The following AVIL variants were observed in gnomAD, a reference collection of about 807,000 sequenced individuals.
The protein encoded by AVIL is advillin.
In AVIL, 78 loss-of-function variants were observed where a neutral mutation model predicts 109.9. The observed-to-expected ratio is 0.71, with a 90% CI of 0.59 to 0.86. AVIL has a LOEUF of 0.86. AVIL is among the 40% of genes least tolerant of loss of function. The pLI is 0.00. For synonymous variants in AVIL, 367 were observed against 379.1 expected, an observed-to-expected ratio of 0.97 and a Z score of 0.37; for missense variants, 892 against 1,016.5, an observed-to-expected ratio of 0.88 and a Z score of 1.67.
chr12:57,818,101 C>T (rs892533824), intron 1 of AVIL, among the ~76,000 whole-genome samples: 17 of 150,974 alleles, frequency 1.1e-4, no homozygotes, highest in South Asian at 4.2e-4. Flanking sequence ...TCACTGCAAC[C>T]GCCACCTCCT....
chr12:57,817,499 C>G (rs1047345182), intron 1 of AVIL, among the ~76,000 whole-genome samples: 5 of 151,698 alleles, frequency 3.3e-5, no homozygotes, highest in Admixed American at 6.6e-5. Context: ...CTTGTGCTGC[C>G]CCACCCTGTG....
At position 57,816,700 on chromosome 12, in the gene AVIL, CTTTTTTTTTTTTTT is replaced by C. The variant is rs11349032; in HGVS notation, c.-19-655_-19-642del. On this transcript the variant is annotated intron_variant, in intron 1 of 19. Coordinates refer to ENST00000549994, the MANE Select transcript of AVIL (RefSeq NM_006576.4). ...TTTGACCTTCTCTTTGGCTTTTGTCCTTTTTTTTTTTTTTTTTTTTTTTTTAGAGTAAACTATTC... is the reference window on the plus strand; with the variant it reads ...TTTGACCTTCTCTTTGGCTTTTGTCCTTTTTTTTTTTAGAGTAAACTATTC... 4.3e-5 allele frequency among the ~76,000 whole-genome samples: 4 copies of C among 93,490 alleles called. No individual in the cohort carries two copies. The East Asian group carries it at 1.0e-3, about 24-fold the overall frequency. The allele number at this position is 93,490 out of a possible 152,430, so 61.3% of individuals were successfully genotyped here.
Position 57,815,961 on chromosome 12 carries a change from C to G in AVIL, c.66+14G>C, listed in dbSNP as rs773024012. On this transcript the variant is annotated intron_variant, in intron 2 of 19. Coordinates refer to ENST00000549994, the MANE Select transcript of AVIL (RefSeq NM_006576.4). Reference sequence around the variant, plus strand: ...GCCAGTGGTCACAAGTAAGGTGCCTCCAGCCCAGCTCACCTCTATTCTCCA... The same window carrying G: ...GCCAGTGGTCACAAGTAAGGTGCCTGCAGCCCAGCTCACCTCTATTCTCCA... 1 of 1,614,052 alleles carries G rather than the reference C, an allele frequency of 6.2e-7. No individual in the cohort carries two copies. The highest frequency in any genetic ancestry group is 8.5e-7 in the Non-Finnish European group (1 of 1,180,002).
At chr12:57,816,187 G>C in intron 1 of AVIL, 128 bp from the exon 2 acceptor site, 1 of 720,672 alleles carries the variant, frequency 1.4e-6, no homozygotes. Flanking sequence ...GTGCATCCCT[G>C]CACCATTTCA....
At chr12:57,813,560 A>AG (rs1253337941) in intron 3 of AVIL, 137 bp from the exon 4 acceptor site, 2 of 851,426 alleles carry the variant, frequency 2.3e-6, no homozygotes, top group African/African-American at 3.4e-5. Context: ...TGGATGTGGG[A>AG]GCTGCCCTGG....
intron 14 of AVIL, 50 bp from the exon 15 acceptor site, chr12:57,803,719 C>T (rs746186703): frequency 1.4e-5 from 22 of 1,591,734 alleles, no homozygotes; most frequent in East Asian, 9.0e-5. Context: ...AGGGGCACTT[C>T]GATGTGGAAA....
intron 14 of AVIL, chr12:57,805,792 C>T (rs939128412): frequency 6.6e-6 from 1 of 151,572 alleles, no homozygotes; most frequent in African/African-American, 2.4e-5. Flanking sequence ...GCCTCGGCCT[C>T]CCAAAGTGCT....
Position 57,811,124 on chromosome 12 carries a change from G to A in AVIL, c.342C>T (p.Tyr114=), listed in dbSNP as rs1159899281. 1 of 1,614,078 alleles carries A rather than the reference G, an allele frequency of 6.2e-7. No individual in the cohort carries two copies. Among genetic ancestry groups the A allele is most frequent in the Non-Finnish European group, 8.5e-7 (1 of 1,179,960 alleles). ...FRGYFKQGII[Y]KQGGVASGMK... is the part of the protein sequence containing the mutation. The stretch of plus-strand genomic sequence containing the variant: ...TCCCAGAGGCGACACCCCCCTGCTT[G>A]TAGCTAAGGGAACATCCATTCAGTT... The change falls in exon 5 of 20, where the codon TAC becomes TAT. Residue 114 remains tyrosine, a synonymous_variant. Coordinates refer to ENST00000549994, the MANE Select transcript of AVIL (RefSeq NM_006576.4).
At position 57,797,899 on chromosome 12, in the gene AVIL, C is replaced by A; in HGVS notation, c.2443G>T (p.Glu815Ter). ...TTCTTGCTTTAGAAAAGCCCCTTTT[C>A]TTTCTTCATTTGGAGCTGTTTCCAG... ...PGWKQLQMKK[E>*]KGLF Residue 815 changes from glutamate to a stop codon, truncating the protein, a stop_gained, in exon 20 of 20, where the codon GAA becomes TAA. Transcript: ENST00000549994. LOFTEE classifies it high-confidence loss of function. The A allele has an allele frequency of 6.2e-7, 1 of 1,611,958 alleles. No individual in the cohort carries two copies. The highest frequency in any genetic ancestry group is 8.5e-7 in the Non-Finnish European group (1 of 1,178,986).
At chr12:57,799,773 C>T (rs1955808828) in intron 19 of AVIL, 22 bp downstream of exon 19, 2 of 1,613,366 alleles carry the variant, frequency 1.2e-6, no homozygotes, top group East Asian at 4.5e-5. Flanking sequence ...TTCCAACAGA[C>T]ACAGTTCCTT....
Position 57,801,143 on chromosome 12 carries a change from C to A in AVIL, c.2220+1G>T. On this transcript the variant is annotated splice_donor_variant, in intron 18 of 19. Transcript: ENST00000549994. LOFTEE classifies it high-confidence loss of function. Reference sequence around the variant, plus strand: ...TTCTCCCAAGAGCGAACCCGACTCACAGCAGTGATTCGCATGATAGCAGCA... The same window carrying A: ...TTCTCCCAAGAGCGAACCCGACTCAAAGCAGTGATTCGCATGATAGCAGCA... 3.1e-6 allele frequency: 5 copies of A among 1,613,456 alleles called. No homozygotes were observed. The highest frequency in any genetic ancestry group is 4.2e-6 in the Non-Finnish European group (5 of 1,179,742).
intron 4 of AVIL, among the ~76,000 whole-genome samples, 155 bp downstream of exon 4, chr12:57,813,072 C>T (rs1044859038): frequency 2.0e-5 from 3 of 152,222 alleles, no homozygotes; most frequent in African/African-American, 4.8e-5. Context: ...TTGGCACCTC[C>T]CAGCTGTTTA....
At chr12:57,815,839 T>C (rs1162209334) in intron 2 of AVIL, 136 bp downstream of exon 2, 1 of 1,537,446 alleles carries the variant, frequency 6.5e-7, no homozygotes, top group African/African-American at 1.4e-5. Context: ...GGGAAATAGG[T>C]ACTTTGATGC....
chr12:57,806,810 A>G (rs1269508524), intron 13 of AVIL, among the ~76,000 whole-genome samples: 2 of 152,206 alleles, frequency 1.3e-5, no homozygotes, highest in South Asian at 2.1e-4. Flanking sequence ...AGTAGATGTT[A>G]TTATTCCATA....
At chr12:57,804,460 G>A (rs1955910532) in intron 14 of AVIL, 1 of 152,154 alleles carries the variant, frequency 6.6e-6, no homozygotes, top group Non-Finnish European at 1.5e-5. Context: ...TGTTTTACTT[G>A]AGTAAATACC....
chr12:57,813,228 T>C lies in AVIL; in HGVS notation c.337A>G (p.Ile113Val). ...TFRGYFKQGI[I>V]YKQGGVASGM... is the part of the protein sequence containing the mutation. Reference sequence around the variant, plus strand: ...CTTGCTCTGTGCACCCCTACTCACATGATGCCCTGCTTGAAGTAGCCACGG... The same window carrying C: ...CTTGCTCTGTGCACCCCTACTCACACGATGCCCTGCTTGAAGTAGCCACGG... Residue 113 changes from isoleucine to valine, a missense_variant and splice_region_variant, in exon 4 of 20, where the codon ATC (isoleucine) becomes GTC (valine). Coordinates refer to ENST00000549994, the MANE Select transcript of AVIL (RefSeq NM_006576.4). The C allele has an allele frequency of 1.2e-6, 2 of 1,611,706 alleles. No homozygotes were observed. The highest frequency in any genetic ancestry group is 2.2e-5 in the East Asian group (1 of 44,808).
Position 57,812,020 on chromosome 12 carries a change from T to A in AVIL, c.339-893A>T, listed in dbSNP as rs529726363. 6.6e-5 allele frequency among the ~76,000 whole-genome samples: 10 copies of A among 152,226 alleles called. No homozygotes were observed. The South Asian group carries it at 1.9e-3, about 28-fold the overall frequency. On this transcript the variant is annotated intron_variant, in intron 4 of 19. Transcript: ENST00000549994. ...CACCTTTTTTTTTAAAGACAGGGTC[T>A]CACTCTGTCACTCAGGCTAGAGTTC...
chr12:57,814,646 T>C lies in AVIL; in HGVS notation c.67-420A>G, dbSNP rs138699398. 463 of 165,734 alleles carry C rather than the reference T, an allele frequency of 2.8e-3. 5 individuals carry two copies. The highest frequency in any genetic ancestry group is 0.011 in the African/African-American group (449 of 42,212). The allele number at this position is 165,734 out of a possible 1,614,324, so 10.3% of individuals were successfully genotyped here. ...ACCACTGGGTGCTGGCCCAGGCCCA[T>C]GTAAGAAAGAACACTTGGATTCTGT... On this transcript the variant is annotated intron_variant, in intron 2 of 19. Coordinates refer to ENST00000549994, the MANE Select transcript of AVIL (RefSeq NM_006576.4).
chr12:57,800,287 TA>T (rs922054687), intron 18 of AVIL: 45 of 180,046 alleles, frequency 2.5e-4, no homozygotes, highest in African/African-American at 1.1e-3. Flanking sequence ...TAGTCCTACT[TA>T]AATACAATTT....
Sources: gnomAD v4.1 joint callset for allele counts (sites outside exome capture counted in the v4.1 genomes callset) on GRCh38, gnomAD v4.1.1 for gene constraint, MANE v1.5 for transcripts, NCBI Gene and HGNC (gene_info 2026-07-23, HGNC 2026-07-21) for gene names.